PRKACB: variants seen among roughly 807,000 people sequenced by gnomAD.
PRKACB encodes the protein cAMP-dependent protein kinase catalytic subunit beta.
In PRKACB, 16 loss-of-function variants were observed where a neutral mutation model predicts 51.4. That is an observed-to-expected ratio of 0.31 (90% CI 0.21 to 0.47). PRKACB has a LOEUF of 0.47. Among genes scored for constraint, PRKACB ranks in the 20% least tolerant of loss-of-function variants. The pLI is 1.00. For missense variants in PRKACB, 309 were observed against 464.5 expected (o/e 0.67, Z 3.08); for synonymous variants, 147 against 154.4 (o/e 0.95, Z 0.35).
intron 1 of PRKACB, among the ~76,000 whole-genome samples, chr1:84,138,157 C>G (rs1488953492): frequency 1.3e-5 from 2 of 152,076 alleles, no homozygotes; most frequent in Admixed American, 6.6e-5. Context: ...GCAGGAAATA[C>G]ACAAAGTGAG....
chr1:84,234,057 G>T (rs1288446885), intron 9 of PRKACB, among the ~76,000 whole-genome samples: 1 of 150,656 alleles, frequency 6.6e-6, no homozygotes, highest in African/African-American at 2.4e-5. Context: ...ATCTACTTTT[G>T]GTCTTTGATG....
intron 1 of PRKACB, among the ~76,000 whole-genome samples, chr1:84,155,848 T>C (rs1255457005): frequency 2.6e-5 from 4 of 152,172 alleles, no homozygotes; most frequent in South Asian, 4.1e-4. Flanking sequence ...GGCACACTTA[T>C]CTATTCAAAT....
chr1:84,157,458 T>G (rs1655647896), intron 1 of PRKACB: 1 of 152,162 alleles, frequency 6.6e-6, no homozygotes, highest in South Asian at 2.1e-4. Flanking sequence ...AATTCAGTAT[T>G]AATTAGTAAA....
intron 1 of PRKACB, among the ~76,000 whole-genome samples, chr1:84,155,344 T>G (rs956173329): frequency 2.0e-5 from 3 of 152,096 alleles, no homozygotes; most frequent in Non-Finnish European, 2.9e-5. Flanking sequence ...CACTGGAAAC[T>G]GTAAGGCATT....
intron 8 of PRKACB, 138 bp from the exon 9 acceptor site, chr1:84,214,015 A>T: frequency 1.2e-6 from 1 of 825,314 alleles, no homozygotes; most frequent in Non-Finnish European, 1.8e-6. Flanking sequence ...ACATGTAGTT[A>T]AAAGTATGTG....
chr1:84,167,217 A>T lies in PRKACB; in HGVS notation c.188-11960A>T, dbSNP rs72938472. On this transcript the variant is annotated intron_variant, in intron 1 of 9. Transcript: ENST00000370685. Reference sequence around the variant, plus strand: ...TATATCCTTCCAGGCCATTTTCCACACTGAAAATTTTAAAATGCAAATATG... The same window carrying T: ...TATATCCTTCCAGGCCATTTTCCACTCTGAAAATTTTAAAATGCAAATATG... 8.8e-3 allele frequency among the ~76,000 whole-genome samples: 1,340 copies of T among 151,616 alleles called. 23 individuals carry two copies. Among genetic ancestry groups the T allele is most frequent in the African/African-American group, 0.03 (1,234 of 41,470 alleles).
At chr1:84,196,785 C>T (rs376853636) in intron 6 of PRKACB, 43 bp downstream of exon 6, 5 of 1,533,742 alleles carry the variant, frequency 3.3e-6, no homozygotes, top group Admixed American at 2.0e-5. Context: ...TGAGAAAATA[C>T]TAGGCAAGAC....
At chr1:84,194,403 C>T (rs934903431) in intron 5 of PRKACB, among the ~76,000 whole-genome samples, 1 of 152,086 alleles carries the variant, frequency 6.6e-6, no homozygotes, top group Non-Finnish European at 1.5e-5. Flanking sequence ...GAACAATTGC[C>T]AGTGTCCATC....
chr1:84,185,965 G>A (rs1410106283), intron 5 of PRKACB, among the ~76,000 whole-genome samples: 2 of 152,134 alleles, frequency 1.3e-5, no homozygotes, highest in Non-Finnish European at 2.9e-5. Flanking sequence ...GGTCTTCAAT[G>A]TGTCTAGAAA....
chr1:84,125,069 C>G (rs35458852), intron 1 of PRKACB, among the ~76,000 whole-genome samples: 3 of 152,122 alleles, frequency 2.0e-5, no homozygotes, highest in Non-Finnish European at 4.4e-5. Context: ...TAAAATAACA[C>G]CCATTTATTA....
chr1:84,144,683 T>C, intron 1 of PRKACB, 135 bp downstream of exon 1: 1 of 930,132 alleles, frequency 1.1e-6, no homozygotes, highest in Non-Finnish European at 1.5e-6. Context: ...AAGATGAAGT[T>C]GAAAGAATTC....
At chr1:84,083,303 T>C (rs1261211789) in intron 1 of PRKACB, among the ~76,000 whole-genome samples, 9 of 152,326 alleles carry the variant, frequency 5.9e-5, no homozygotes, top group Non-Finnish European at 2.9e-5. Flanking sequence ...GATAAATACA[T>C]ATGATCTCAT....
chr1:84,199,377 C>A (rs1669390314), intron 7 of PRKACB, among the ~76,000 whole-genome samples: 1 of 152,142 alleles, frequency 6.6e-6, no homozygotes, highest in Non-Finnish European at 1.5e-5. Context: ...TCATTTAGCT[C>A]CCACTTACAA....
chr1:84,170,211 A>T (rs1658969834), intron 1 of PRKACB, among the ~76,000 whole-genome samples: 1 of 151,632 alleles, frequency 6.6e-6, no homozygotes, highest in Non-Finnish European at 1.5e-5. Flanking sequence ...ACAGAGATGG[A>T]TGATAGGTTG....
At chr1:84,179,297 C>G in intron 2 of PRKACB, 59 bp downstream of exon 2, 1 of 1,460,796 alleles carries the variant, frequency 6.8e-7, no homozygotes, top group Non-Finnish European at 9.1e-7. Flanking sequence ...AATCAGGATT[C>G]TTGCCTAAGA....
rs1571701691 is a variant in PRKACB, at chr1:84,128,673, A to G, written c.46+50302A>G. Among the ~76,000 whole-genome samples the G allele has an allele frequency of 2.0e-5, 3 of 152,230 alleles. No individual in the cohort carries two copies. The East Asian group carries it at 5.8e-4, about 29-fold the overall frequency. On this transcript the variant is annotated intron_variant, in intron 1 of 8. Transcript: ENST00000370688. ...ATGTATATTCTCTTAGTTGAGCCAT[A>G]CACAAAACTAGTGATATAGTCAGGG... is the stretch of plus-strand genomic sequence containing the variant.
intron 8 of PRKACB, among the ~76,000 whole-genome samples, chr1:84,203,008 A>G (rs1407991830): frequency 6.6e-6 from 1 of 152,054 alleles, no homozygotes; most frequent in Non-Finnish European, 1.5e-5. Flanking sequence ...GAAATTAACA[A>G]AACAGTAAAG....
chr1:84,091,190 GAGAAGAA>G (rs1648440318), intron 1 of PRKACB, among the ~76,000 whole-genome samples: 2 of 152,112 alleles, frequency 1.3e-5, no homozygotes, highest in South Asian at 2.1e-4. Context: ...AACCTGAGAC[GAGAAGAA>G]AGAAGAAAGA....
chr1:84,179,031 A>T, intron 1 of PRKACB, 146 bp from the exon 2 acceptor site: 1 of 934,156 alleles, frequency 1.1e-6, no homozygotes, highest in Non-Finnish European at 1.5e-6. Context: ...ATAGCTCTTT[A>T]ATGTATCATG....
Sources: gnomAD v4.1 joint callset for allele counts (sites outside exome capture counted in the v4.1 genomes callset) on GRCh38, gnomAD v4.1.1 for gene constraint, MANE v1.5 for transcripts, NCBI Gene and HGNC (gene_info 2026-07-23, HGNC 2026-07-21) for gene names.